Variants in MAVS observed in about 807,000 individuals in gnomAD.
MAVS encodes the protein mitochondrial antiviral signaling protein.
A neutral mutation model predicts 30.2 loss-of-function variants in MAVS; 20 were observed. That is an observed-to-expected ratio of 0.66 (90% CI 0.47 to 0.96). The LOEUF is 0.96. Among genes scored for constraint, MAVS ranks in the 40% least tolerant of loss-of-function variants. The pLI, the probability that MAVS is intolerant of heterozygous loss-of-function variation, is 0.00. For missense variants in MAVS, 624 were observed against 701.1 expected (o/e 0.89, Z 1.24); for synonymous variants, 278 against 293.9 (o/e 0.95, Z 0.55).
chr20:3,862,888 A>G (rs1209930936), intron 5 of MAVS, among the ~76,000 whole-genome samples: 1 of 152,164 alleles, frequency 6.6e-6, no homozygotes, highest in East Asian at 1.9e-4. Flanking sequence ...CCTGTGCTCC[A>G]TTCTGTGGGC....
intron 2 of MAVS, among the ~76,000 whole-genome samples, chr20:3,855,769 C>A (rs1019626753): frequency 6.6e-6 from 1 of 152,102 alleles, no homozygotes. Context: ...TGTGGGTTTT[C>A]TTTATTTTCT....
At position 3,873,133 on chromosome 20, in the gene MAVS, T is replaced by C. The variant is rs1168553117; in HGVS notation, c.*6986T>C. 1 of 152,212 alleles carries C rather than the reference T, an allele frequency of 6.6e-6. No individual in the cohort carries two copies. Among genetic ancestry groups the C allele is most frequent in the African/African-American group, 2.4e-5 (1 of 41,442 alleles). 9.4% of individuals were successfully genotyped at this position (152,212 alleles called of 1,614,324 possible). A position where few individuals can be genotyped will look rare whatever the true frequency, so the allele number is the denominator to read the frequency against. On this transcript the variant is annotated 3_prime_UTR_variant, in exon 7 of 7. Transcript: ENST00000428216. The stretch of plus-strand genomic sequence containing the variant: ...TGAAAATATGGAGGAAATGAAACTC[T>C]CATGGGTTTTGCAGGGAATCTAAGT...
chr20:3,872,888 A>G lies in MAVS; in HGVS notation c.*6741A>G, dbSNP rs1413363532. On this transcript the variant is annotated 3_prime_UTR_variant, in exon 7 of 7. Coordinates refer to ENST00000428216, the MANE Select transcript of MAVS (RefSeq NM_020746.5). ...CCTCAGTGACACAGAATAATACGGC[A>G]AAGACCCCACCCGATGAGCCCCCTC... The G allele has an allele frequency of 6.6e-6, 1 of 152,288 alleles. No homozygotes were observed. Among genetic ancestry groups the G allele is most frequent in the African/African-American group, 2.4e-5 (1 of 41,432 alleles). The allele number at this position is 152,288 out of a possible 1,614,324, so 9.4% of individuals were successfully genotyped here. A position where few individuals can be genotyped will look rare whatever the true frequency, so the allele number is the denominator to read the frequency against.
At position 3,862,274 on chromosome 20, in the gene MAVS, G is replaced by C. The variant is rs753609522; in HGVS notation, c.486G>C (p.Gln162His). Residue 162 changes from glutamine to histidine, a missense_variant, in exon 5 of 7, where the codon CAG becomes CAC. Gln to His is a conservative substitution (Grantham distance 24, BLOSUM62 0). Transcript: ENST00000428216. ...TGCAGAATTCAGAGCAAGCCCTGCA[G>C]ACGCTCAGCCCCAGAGCCATCCCAA... ...SPGENSEQAL[Q>H]TLSPRAIPRN... 5.0e-6 allele frequency: 8 copies of C among 1,613,854 alleles called. No homozygotes were observed. In the South Asian group the frequency reaches 8.8e-5, roughly 18 times the overall value.
rs766712358 is a variant in MAVS, at chr20:3,865,916, C to T, written c.1392C>T (p.Gly464=). Residue 464 remains glycine (G), a synonymous_variant, in exon 7 of 7, where the codon GGC becomes GGT. Transcript: ENST00000428216. This position sits in a 1 kb window ranked among gnomAD's most constrained non-coding sequence, Gnocchi z 4.7. ...AGGAGAATGAGTATAAGTCCGAGGG[C>T]ACCTTTGGGATCCACGTGGCTGAGA... ...GPEENEYKSE[G]TFGIHVAENP... The T allele has an allele frequency of 1.9e-6, 3 of 1,613,934 alleles. No individual in the cohort carries two copies. Among genetic ancestry groups the T allele is most frequent in the South Asian group, 2.2e-5 (2 of 91,084 alleles).
intron 1 of MAVS, among the ~76,000 whole-genome samples, chr20:3,854,105 C>G (rs746075117): frequency 4.0e-5 from 6 of 151,726 alleles, no homozygotes; most frequent in Non-Finnish European, 7.4e-5. Context: ...GCCCGAGACC[C>G]CATCTCTTAA....
intron 1 of MAVS, among the ~76,000 whole-genome samples, chr20:3,853,854 T>C (rs1208332018): frequency 6.6e-6 from 1 of 152,004 alleles, no homozygotes; most frequent in East Asian, 1.9e-4. Context: ...AATGGTGCAA[T>C]CTTGGCTCAC....
chr20:3,864,609 C>T lies in MAVS; in HGVS notation c.979C>T (p.Pro327Ser), dbSNP rs753385897. Reference sequence around the variant, plus strand: ...TGTCAGCACAGTGCCCTCCAAGTTGCCAACTAGCTCAAAGCCCCCTGGTGC... The same window carrying T: ...TGTCAGCACAGTGCCCTCCAAGTTGTCAACTAGCTCAAAGCCCCCTGGTGC... The part of the protein sequence containing the change: ...ASVSTVPSKL[P>S]TSSKPPGAVP... Residue 327 changes from proline (P) to serine (S), a missense_variant, in exon 6 of 7, where the codon CCA (proline) becomes TCA (serine). By Grantham distance (74) the Pro-to-Ser change is moderately conservative. Transcript: ENST00000428216. The T allele has an allele frequency of 2.3e-5, 37 of 1,614,074 alleles. No homozygotes were observed. Among genetic ancestry groups the T allele is most frequent in the Non-Finnish European group, 6.8e-6 (8 of 1,180,042 alleles).
In MAVS at chr20:3,868,214, GC is replaced by G. The variant is rs1189570390; in HGVS notation, c.*2070del. The G allele has an allele frequency of 1.3e-5, 2 of 152,262 alleles. No individual in the cohort carries two copies. The highest frequency in any genetic ancestry group is 6.6e-5 in the Admixed American group (1 of 15,248). 9.4% of individuals were successfully genotyped at this position (152,262 alleles called of 1,614,324 possible). On this transcript the variant is annotated 3_prime_UTR_variant, in exon 7 of 7. Coordinates refer to ENST00000428216, the MANE Select transcript of MAVS (RefSeq NM_020746.5). ...CATCCCCCACCACCAATCTTAAAAA[GC>G]CCTCTGTCCCCCTACCCTAAACCCC... is the stretch of plus-strand genomic sequence containing the variant.
intron 1 of MAVS, among the ~76,000 whole-genome samples, chr20:3,850,138 G>A (rs1360803481): frequency 4.6e-5 from 7 of 151,620 alleles, no homozygotes; most frequent in Admixed American, 6.6e-5. Flanking sequence ...TTAGCCGAGC[G>A]TGGTAGCAGG....
chr20:3,854,762 C>A (rs776208323), intron 2 of MAVS, 21 bp downstream of exon 2: 1 of 1,544,894 alleles, frequency 6.5e-7, no homozygotes, highest in South Asian at 1.1e-5. Context: ...GAAGTGACAG[C>A]CCGACACTGG....
At chr20:3,848,216 A>T (rs1260761965) in intron 1 of MAVS, among the ~76,000 whole-genome samples, 1 of 151,952 alleles carries the variant, frequency 6.6e-6, no homozygotes, top group African/African-American at 2.4e-5. Context: ...CTCCTGCCTC[A>T]GCCTCCTGAG....
chr20:3,850,289 A>G (rs1350658031), intron 1 of MAVS, among the ~76,000 whole-genome samples: 1 of 140,882 alleles, frequency 7.1e-6, no homozygotes, highest in Non-Finnish European at 1.5e-5. Context: ...AAAAAAAAAA[A>G]AAAAAAAAAA....
In MAVS at chr20:3,854,279, G is replaced by T. The variant is rs1600444822; in HGVS notation, c.-67-279G>T. ...CTACTAAAAATACAAAAATTAGCTG[G>T]GCATGGTGGTGCGCACCTGTAATCC... On this transcript the variant is annotated intron_variant, in intron 1 of 6. Coordinates refer to ENST00000428216, the MANE Select transcript of MAVS (RefSeq NM_020746.5). 2.6e-5 allele frequency among the ~76,000 whole-genome samples: 4 copies of T among 151,604 alleles called. No homozygotes were observed. The South Asian group carries it at 8.3e-4, about 32-fold the overall frequency.
rs370773994 is a variant in MAVS at position 3,857,749 on chromosome 20, G to A, written c.232G>A (p.Gly78Ser). The A allele has an allele frequency of 2.5e-6, 4 of 1,614,092 alleles. No homozygotes were observed. The African/African-American group carries it at 5.3e-5, about 22-fold the overall frequency. ...WVEYFIAALR[G>S]CELVDLADEV... ...GGAGTACTTCATTGCGGCACTGAGG[G>A]GCTGTGAGCTAGTTGATCTCGCGGA... Residue 78 changes from glycine (G) to serine (S), a missense_variant, in exon 3 of 7, where the codon GGC becomes AGC. By Grantham distance (56) the Gly-to-Ser change is moderately conservative. Transcript: ENST00000428216.
At chr20:3,860,479 A>C (rs911238705) in intron 3 of MAVS, among the ~76,000 whole-genome samples, 1 of 151,102 alleles carries the variant, frequency 6.6e-6, no homozygotes, top group Non-Finnish European at 1.5e-5. Context: ...GGTTCAAGCA[A>C]TTCTCCTGCC....
chr20:3,855,180 C>T (rs1288015141), intron 2 of MAVS, among the ~76,000 whole-genome samples: 1 of 152,120 alleles, frequency 6.6e-6, no homozygotes, highest in African/African-American at 2.4e-5. Context: ...TGAGCCACCG[C>T]ACCCTTGCTG....
Position 3,864,674 on chromosome 20 carries a change from A to G in MAVS, c.1044A>G (p.Lys348=), listed in dbSNP as rs762199488. The G allele has an allele frequency of 2.5e-6, 4 of 1,614,136 alleles. No homozygotes were observed. Among genetic ancestry groups the G allele is most frequent in the Non-Finnish European group, 3.4e-6 (4 of 1,180,024 alleles). ...CGCTCACCAATCCAGCACCATCCAA[A>G]TTGCCCATCAACTCAACCCGTGCTG... ...SNALTNPAPS[K]LPINSTRAGM... Residue 348 remains lysine (K), a synonymous_variant, in exon 6 of 7, where the codon AAA becomes AAG. Transcript: ENST00000428216.
chr20:3,865,975 G>T lies in MAVS; in HGVS notation c.1451G>T (p.Gly484Val). ...ATCCAGCTCCTGGAGGGCAACCCTGGGCCACCTGCGGACCCGGATGGCGGC... is the reference window on the plus strand; with the variant it reads ...ATCCAGCTCCTGGAGGGCAACCCTGTGCCACCTGCGGACCCGGATGGCGGC... ...PSIQLLEGNP[G>V]PPADPDGGPR... is the part of the protein sequence containing the mutation. Residue 484 changes from glycine (G) to valine (V), a missense_variant, in exon 7 of 7, where the codon GGG becomes GTG. Transcript: ENST00000428216. This position sits in a 1 kb window ranked among gnomAD's most constrained non-coding sequence, Gnocchi z 4.7. 2 of 1,613,362 alleles carry T rather than the reference G, an allele frequency of 1.2e-6. No homozygotes were observed. The highest frequency in any genetic ancestry group is 1.7e-6 in the Non-Finnish European group (2 of 1,179,992).
Sources: gnomAD v4.1 joint callset for allele counts (sites outside exome capture counted in the v4.1 genomes callset) on GRCh38, gnomAD v4.1.1 for gene constraint, Gnocchi (gnomAD v3.1) non-coding constraint, MANE v1.5 for transcripts, NCBI Gene and HGNC (gene_info 2026-07-23, HGNC 2026-07-21) for gene names.